The following PTBP3 variants were observed in gnomAD, a reference collection of about 807,000 sequenced individuals.
PTBP3 encodes polypyrimidine tract binding protein 3, also known as polypyrimidine tract-binding protein 3.
A neutral mutation model predicts 58.7 loss-of-function variants in PTBP3; 20 were observed. That is an observed-to-expected ratio of 0.34 (90% CI 0.24 to 0.50). The LOEUF (loss-of-function observed/expected upper bound fraction) is 0.50. Among genes scored for constraint, PTBP3 ranks in the 20% least tolerant of loss-of-function variants. The probability of loss-of-function intolerance (pLI) is 0.98; values close to 1 mark genes in which losing one functional copy is unlikely to be tolerated. For missense variants in PTBP3, 509 were observed against 637.2 expected (o/e 0.80, Z 2.17); for synonymous variants, 185 against 219.8 (o/e 0.84, Z 1.40).
intron 1 of PTBP3, among the ~76,000 whole-genome samples, chr9:112,302,809 C>G (rs1388964861): frequency 6.6e-6 from 1 of 152,034 alleles, no homozygotes; most frequent in Non-Finnish European, 1.5e-5. Flanking sequence ...AGGCTGGTCT[C>G]GAACTCCTGA....
At chr9:112,287,570 A>T (rs188397911) in intron 2 of PTBP3, among the ~76,000 whole-genome samples, 62 of 151,054 alleles carry the variant, frequency 4.1e-4, no homozygotes, top group African/African-American at 1.4e-3. Context: ...CAAACTCCTG[A>T]CCTCAGGTGA....
At chr9:112,298,485 G>A in intron 1 of PTBP3, 1 of 474,394 alleles carries the variant, frequency 2.1e-6, no homozygotes, top group Admixed American at 2.3e-5. Flanking sequence ...ATCTGAACTG[G>A]CAACACTAAA....
chr9:112,270,107 C>T (rs1278126274), intron 3 of PTBP3, among the ~76,000 whole-genome samples: 2 of 151,998 alleles, frequency 1.3e-5, no homozygotes, highest in Non-Finnish European at 2.9e-5. Flanking sequence ...ACCACGATCC[C>T]GGCTAATTTT....
At chr9:112,284,590 G>C (rs2132249881) in intron 2 of PTBP3, among the ~76,000 whole-genome samples, 2 of 152,334 alleles carry the variant, frequency 1.3e-5, no homozygotes, top group Middle Eastern at 6.8e-3. Context: ...CAACTACTCA[G>C]GAGGCTGAGG....
Position 112,251,121 on chromosome 9 carries a change from G to A in PTBP3, c.628-18C>T. On this transcript the variant is annotated intron_variant, in intron 6 of 13. Coordinates refer to ENST00000374257, the MANE Select transcript of PTBP3 (RefSeq NM_001163788.4). ...TCCAGAGCCTAAAGCATGTAAGAAAGGGACTGGTTTTGGCAAGACAACAAC... is the reference window on the plus strand; with the variant it reads ...TCCAGAGCCTAAAGCATGTAAGAAAAGGACTGGTTTTGGCAAGACAACAAC... 1 of 1,527,448 alleles carries A rather than the reference G, an allele frequency of 6.5e-7. No individual in the cohort carries two copies. 94.6% of individuals were successfully genotyped at this position (1,527,448 alleles called of 1,614,324 possible). A position where few individuals can be genotyped will look rare whatever the true frequency, so the allele number is the denominator to read the frequency against.
intron 2 of PTBP3, among the ~76,000 whole-genome samples, chr9:112,290,393 G>A (rs748504575): frequency 5.3e-5 from 8 of 151,466 alleles, no homozygotes; most frequent in Non-Finnish European, 8.8e-5. Context: ...ACACAATATC[G>A]GCCAGGCATG....
chr9:112,336,372 A>G (rs1830576344), upstream of PTBP3, among the ~76,000 whole-genome samples: 1 of 152,192 alleles, frequency 6.6e-6, no homozygotes, highest in Non-Finnish European at 1.5e-5. Flanking sequence ...TATCCTTTAT[A>G]TAATTCAACA....
rs574887388 is a variant in PTBP3 at position 112,307,755 on chromosome 9, G to A, written c.-51-9839C>T. 1.1e-4 allele frequency among the ~76,000 whole-genome samples: 17 copies of A among 152,176 alleles called. No individual in the cohort carries two copies. The South Asian group carries it at 3.1e-3, about 28-fold the overall frequency. On this transcript the variant is annotated intron_variant, in intron 1 of 13. Coordinates refer to ENST00000374257, the MANE Select transcript of PTBP3 (RefSeq NM_001163788.4). ...CAAAGGCTTTTTTGATATTATGAAGGCTAAATCCCAAGAGTCACACTACTT... is the reference window on the plus strand; with the variant it reads ...CAAAGGCTTTTTTGATATTATGAAGACTAAATCCCAAGAGTCACACTACTT...
chr9:112,300,479 G>A (rs1451903567), intron 1 of PTBP3, among the ~76,000 whole-genome samples: 3 of 152,230 alleles, frequency 2.0e-5, no homozygotes, highest in Admixed American at 6.5e-5. Context: ...ACGGCCGGGC[G>A]TGGTGGCTCA....
the PTBP3 span, among the ~76,000 whole-genome samples, chr9:112,340,876 C>CAAA: frequency 6.7e-5 from 2 of 30,060 alleles, no homozygotes; most frequent in African/African-American, 1.8e-4. Context: ...AACTCTGTCT[C>CAAA]AAAAAAAAAA....
intron 4 of PTBP3, among the ~76,000 whole-genome samples, chr9:112,267,642 C>CA (rs1392959824): frequency 6.6e-6 from 1 of 152,036 alleles, no homozygotes; most frequent in Non-Finnish European, 1.5e-5. Context: ...CTTGAGGAGT[C>CA]AAAAATCATT....
upstream of PTBP3, among the ~76,000 whole-genome samples, chr9:112,334,182 C>A (rs1830514570): frequency 6.6e-6 from 1 of 151,706 alleles, no homozygotes; most frequent in African/African-American, 2.4e-5. Flanking sequence ...CGACACCAGC[C>A]CCATAGGTGT....
chr9:112,299,448 A>G (rs1362470979), intron 1 of PTBP3, among the ~76,000 whole-genome samples: 1 of 152,242 alleles, frequency 6.6e-6, no homozygotes, highest in Non-Finnish European at 1.5e-5. Flanking sequence ...GAATAAGAAG[A>G]TATCTGCGAT....
intron 5 of PTBP3, among the ~76,000 whole-genome samples, chr9:112,257,219 T>C (rs1303362772): frequency 1.3e-5 from 2 of 152,184 alleles, no homozygotes; most frequent in Non-Finnish European, 2.9e-5. Flanking sequence ...CTGGATTGTA[T>C]TCACTGATAG....
chr9:112,251,446 T>C (rs1052999764), intron 6 of PTBP3, among the ~76,000 whole-genome samples: 3 of 152,184 alleles, frequency 2.0e-5, no homozygotes, highest in African/African-American at 7.2e-5. Flanking sequence ...ATCAAAAGTT[T>C]TAAGATACTC....
chr9:112,336,850 T>C (rs888961251), upstream of PTBP3, among the ~76,000 whole-genome samples: 1 of 152,170 alleles, frequency 6.6e-6, no homozygotes, highest in Non-Finnish European at 1.5e-5. Flanking sequence ...AAGTCTGCAA[T>C]GTAAAAACAG....
intron 3 of PTBP3, among the ~76,000 whole-genome samples, chr9:112,270,970 G>A (rs1165046367): frequency 2.0e-5 from 3 of 151,988 alleles, no homozygotes; most frequent in South Asian, 2.1e-4. Context: ...GGGATTACAG[G>A]TGCACGCCAC....
intron 1 of PTBP3, among the ~76,000 whole-genome samples, chr9:112,329,395 A>T (rs186003322): frequency 1.1e-3 from 146 of 136,980 alleles, no homozygotes; most frequent in African/African-American, 3.9e-3. Context: ...CAGCCTGGGC[A>T]ACAGGGAGGC....
intron 1 of PTBP3, among the ~76,000 whole-genome samples, chr9:112,303,815 G>C (rs1282681974): frequency 6.6e-6 from 1 of 151,236 alleles, no homozygotes; most frequent in Admixed American, 6.6e-5. Context: ...AGTGAGCCAA[G>C]ATCACACCAC....
Sources: allele counts gnomAD v4.1 joint callset (sites outside exome capture counted in the v4.1 genomes callset), GRCh38; gene constraint gnomAD v4.1.1; transcripts MANE v1.5; gene names NCBI Gene and HGNC (gene_info 2026-07-23, HGNC 2026-07-21).